The following CCSER1 variants were observed in gnomAD, a reference collection of about 807,000 sequenced individuals.
CCSER1 encodes the protein serine-rich coiled-coil domain-containing protein 1.
A neutral mutation model predicts 82.0 loss-of-function variants in CCSER1; 41 were observed. That is an observed-to-expected ratio of 0.50 (90% CI 0.39 to 0.65). The LOEUF (loss-of-function observed/expected upper bound fraction) is 0.65. Among genes scored for constraint, CCSER1 ranks in the 30% least tolerant of loss-of-function variants. The probability of loss-of-function intolerance (pLI) is 0.00; values close to 1 mark genes in which losing one functional copy is unlikely to be tolerated. For synonymous variants in CCSER1, 414 were observed against 383.9 expected (o/e 1.08, Z -0.92); for missense variants, 1,119 against 1,064.2 (o/e 1.05, Z -0.72).
intron 5 of CCSER1, among the ~76,000 whole-genome samples, chr4:90,481,439 G>T (rs1042697998): frequency 2.0e-5 from 3 of 152,132 alleles, no homozygotes; most frequent in Non-Finnish European, 4.4e-5. Flanking sequence ...GGGCATCCTT[G>T]TCTTGTGCCA....
chr4:91,162,802 C>T (rs1731571547), intron 10 of CCSER1, among the ~76,000 whole-genome samples: 1 of 151,994 alleles, frequency 6.6e-6, no homozygotes, highest in Non-Finnish European at 1.5e-5. Context: ...TTTATTGTGT[C>T]TATTTGATTA....
At chr4:90,798,346 A>G (rs1157729329) in intron 7 of CCSER1, among the ~76,000 whole-genome samples, 1 of 151,938 alleles carries the variant, frequency 6.6e-6, no homozygotes, top group Non-Finnish European at 1.5e-5. Context: ...ATTATTTTCT[A>G]TATTGGCTAT....
intron 9 of CCSER1, among the ~76,000 whole-genome samples, chr4:91,050,792 T>C (rs1742943081): frequency 6.6e-6 from 1 of 152,206 alleles, no homozygotes; most frequent in African/African-American, 2.4e-5. Flanking sequence ...CCAGTCTCTA[T>C]TAATTCCCTT....
chr4:90,169,903 G>T (rs1731305196), intron 1 of CCSER1, among the ~76,000 whole-genome samples: 1 of 151,750 alleles, frequency 6.6e-6, no homozygotes, highest in Non-Finnish European at 1.5e-5. Context: ...TCCAGGCTTA[G>T]GCTTCTATGA....
intron 6 of CCSER1, among the ~76,000 whole-genome samples, chr4:90,683,345 C>T (rs918985707): frequency 6.6e-6 from 1 of 151,914 alleles, no homozygotes; most frequent in Admixed American, 6.6e-5. Flanking sequence ...TGTAAATATC[C>T]TGTCTTAAAG....
At chr4:91,193,965 A>G (rs961086593) in intron 10 of CCSER1, among the ~76,000 whole-genome samples, 4 of 151,940 alleles carry the variant, frequency 2.6e-5, no homozygotes, top group South Asian at 2.1e-4. Flanking sequence ...ATTCTTATTT[A>G]TTTATTTATA....
At chr4:90,610,210 G>A (rs1054793759) in intron 5 of CCSER1, among the ~76,000 whole-genome samples, 12 of 151,450 alleles carry the variant, frequency 7.9e-5, no homozygotes, top group Admixed American at 2.6e-4. Context: ...CCAAGATTGC[G>A]CCACTGCACT....
At chr4:91,578,406 A>C (rs2110304517) in intron 10 of CCSER1, among the ~76,000 whole-genome samples, 1 of 152,122 alleles carries the variant, frequency 6.6e-6, no homozygotes, top group East Asian at 1.9e-4. Flanking sequence ...TACTTAATAA[A>C]TGTATCAGAT....
chr4:91,021,585 G>A (rs906575235), intron 9 of CCSER1, among the ~76,000 whole-genome samples: 2 of 152,028 alleles, frequency 1.3e-5, no homozygotes, highest in African/African-American at 4.8e-5. Flanking sequence ...ACATTGTTTT[G>A]TGTCTTTTTC....
intron 8 of CCSER1, among the ~76,000 whole-genome samples, chr4:90,879,380 G>A (rs746207417): frequency 6.6e-6 from 1 of 151,816 alleles, no homozygotes; most frequent in Non-Finnish European, 1.5e-5. Flanking sequence ...GATGATCTTT[G>A]TTCCTAGCCA....
chr4:90,242,181 C>T (rs1250776304), intron 1 of CCSER1, among the ~76,000 whole-genome samples: 2 of 152,160 alleles, frequency 1.3e-5, no homozygotes, highest in Non-Finnish European at 2.9e-5. Flanking sequence ...GTGGTGCATG[C>T]CTGTAATCCC....
intron 10 of CCSER1, among the ~76,000 whole-genome samples, chr4:91,154,311 A>G (rs1224972987): frequency 6.6e-6 from 1 of 152,070 alleles, no homozygotes; most frequent in Non-Finnish European, 1.5e-5. Context: ...CCTCTGAGCC[A>G]GGCACGGGAT....
intron 5 of CCSER1, among the ~76,000 whole-genome samples, chr4:90,533,902 A>G (rs536583575): frequency 4.9e-4 from 75 of 152,338 alleles, no homozygotes; most frequent in African/African-American, 1.6e-3. Flanking sequence ...TCAGAAACAG[A>G]ATGTTCCAGA....
At chr4:91,471,367 C>T (rs184359447) in intron 10 of CCSER1, among the ~76,000 whole-genome samples, 130 of 152,284 alleles carry the variant, frequency 8.5e-4, no homozygotes, top group African/African-American at 2.6e-3. Flanking sequence ...AAATGAATTG[C>T]TGGACCCAGA....
chr4:91,598,789 C>G lies in CCSER1; in HGVS notation c.2435C>G (p.Thr812Ser), dbSNP rs1469479920. ...VIKHSRGTYE[T>S]LTSDVTQNLR... ...AAACATTCAAGAGGAACTTATGAAA[C>G]CCTCACTTCAGACGTTACACAGAAC... Residue 812 changes from threonine (T) to serine (S), a missense_variant, in exon 11 of 11, where the codon ACC (threonine) becomes AGC (serine). By Grantham distance (58) the Thr-to-Ser change is moderately conservative. Transcript: ENST00000509176. The G allele has an allele frequency of 6.4e-7, 1 of 1,551,636 alleles. No homozygotes were observed. Among genetic ancestry groups the G allele is most frequent in the Admixed American group, 2.0e-5 (1 of 50,988 alleles).
intron 10 of CCSER1, among the ~76,000 whole-genome samples, chr4:91,288,164 A>C (rs1743464088): frequency 8.1e-6 from 1 of 123,662 alleles, no homozygotes; most frequent in Non-Finnish European, 1.8e-5. Flanking sequence ...ATATATATAC[A>C]TACACACACA....
intron 9 of CCSER1, chr4:90,951,451 G>A (rs771391380): frequency 1.3e-5 from 2 of 151,858 alleles, no homozygotes; most frequent in Non-Finnish European, 2.9e-5. Flanking sequence ...AACTTTTTTC[G>A]GTTACTTTTC....
At chr4:91,340,171 G>A (rs75124382) in intron 10 of CCSER1, among the ~76,000 whole-genome samples, 5,386 of 152,082 alleles carry the variant, frequency 0.035, 151 homozygotes, top group South Asian at 0.11. Context: ...ATTAACAACC[G>A]TATCTAATAA....
chr4:91,442,013 G>T (rs1240527756), intron 10 of CCSER1, among the ~76,000 whole-genome samples: 6 of 152,130 alleles, frequency 3.9e-5, no homozygotes, highest in African/African-American at 1.2e-4. Flanking sequence ...TCATGGATAG[G>T]AAGAATCAAT....
Sources: allele counts gnomAD v4.1 joint callset (sites outside exome capture counted in the v4.1 genomes callset), GRCh38; gene constraint gnomAD v4.1.1; transcripts MANE v1.5; gene names NCBI Gene and HGNC (gene_info 2026-07-23, HGNC 2026-07-21).